The following SUPT20H variants were observed in gnomAD, a reference collection of about 807,000 sequenced individuals.
SUPT20H encodes the protein SPT20 homolog, SAGA complex component.
Under a neutral mutation model 122.8 loss-of-function variants are expected in SUPT20H, and 82 were observed. The ratio of observed to expected loss-of-function variants is 0.67; its 90% CI spans 0.56 to 0.80. The LOEUF (loss-of-function observed/expected upper bound fraction) is 0.80. Ranked by LOEUF, SUPT20H falls within the 30% of genes least tolerant of loss-of-function variation. SUPT20H has a pLI of 0.00. For missense variants in SUPT20H, 831 were observed against 921.6 expected, an observed-to-expected ratio of 0.90 and a Z score of 1.27; for synonymous variants, 291 against 313.0, an observed-to-expected ratio of 0.93 and a Z score of 0.74.
intron 1 of SUPT20H, among the ~76,000 whole-genome samples, chr13:37,055,181 C>T (rs772942887): frequency 3.9e-5 from 6 of 152,198 alleles, no homozygotes; most frequent in Middle Eastern, 3.4e-3. Context: ...TCGTGAAAAT[C>T]GCCATATTGC....
rs1309166456 is a variant in SUPT20H at position 37,038,117 on chromosome 13, C to T, written c.567+2288G>A. ...GTCTCTTGCATCAAACCAGGAGGTACACAATAATTGACTGTCTCATCTTCA... is the reference window on the plus strand; with the variant it reads ...GTCTCTTGCATCAAACCAGGAGGTATACAATAATTGACTGTCTCATCTTCA... On this transcript the variant is annotated intron_variant, in intron 9 of 25. Coordinates refer to ENST00000350612, the MANE Select transcript of SUPT20H (RefSeq NM_001014286.3). 2.0e-5 allele frequency: 3 copies of T among 151,318 alleles called. 1 individual carries two copies. The highest frequency in any genetic ancestry group is 4.9e-5 in the African/African-American group (2 of 41,136). The allele number at this position is 151,318 out of a possible 1,614,324, so 9.4% of individuals were successfully genotyped here.
At chr13:37,017,025 G>A (rs1021713721) in intron 23 of SUPT20H, among the ~76,000 whole-genome samples, 1 of 152,118 alleles carries the variant, frequency 6.6e-6, no homozygotes, top group African/African-American at 2.4e-5. Context: ...CCATTTATCT[G>A]GATCTCAATC....
At chr13:37,018,184 A>G (rs575095397) in intron 22 of SUPT20H, among the ~76,000 whole-genome samples, 4 of 152,292 alleles carry the variant, frequency 2.6e-5, no homozygotes, top group Non-Finnish European at 5.9e-5. Context: ...ACAGCTCATC[A>G]TTAGGTAAAT....
At chr13:37,058,751 T>A (rs1218689181) in intron 1 of SUPT20H, among the ~76,000 whole-genome samples, 2 of 152,126 alleles carry the variant, frequency 1.3e-5, no homozygotes, top group African/African-American at 2.4e-5. Flanking sequence ...CTTCCAATAT[T>A]ACAACCTGCA....
chr13:37,026,524 C>G (rs1318662008), intron 15 of SUPT20H, among the ~76,000 whole-genome samples: 2 of 152,026 alleles, frequency 1.3e-5, no homozygotes, highest in Non-Finnish European at 2.9e-5. Context: ...CTGAAAGTTA[C>G]CAAGTGCTAT....
intron 18 of SUPT20H, 29 bp from the exon 19 acceptor site, chr13:37,024,222 A>T: frequency 6.3e-7 from 1 of 1,585,346 alleles, no homozygotes; most frequent in Non-Finnish European, 8.6e-7. Context: ...TATTTCCTAA[A>T]TTTATAATTC....
intron 1 of SUPT20H, among the ~76,000 whole-genome samples, chr13:37,056,102 AAGTC>A (rs1327059341): frequency 1.3e-5 from 2 of 152,238 alleles, no homozygotes; most frequent in Non-Finnish European, 2.9e-5. Context: ...GATCATTAAA[AAGTC>A]AGGAAACAAC....
chr13:37,033,594 A>G lies in SUPT20H; in HGVS notation c.568-6T>C. 6.2e-7 allele frequency: 1 copy of G among 1,612,890 alleles called. No individual in the cohort carries two copies. Among genetic ancestry groups the G allele is most frequent in the South Asian group, 1.1e-5 (1 of 90,794 alleles). On this transcript the variant is annotated splice_region_variant and splice_polypyrimidine_tract_variant and intron_variant, in intron 9 of 25. Coordinates refer to ENST00000350612, the MANE Select transcript of SUPT20H (RefSeq NM_001014286.3). ...TCAAGCAAAAGTTTGTCTTCCTGAA[A>G]TGTGTAAGAGCATATGTCAATACCA...
rs1189585956 is a variant in SUPT20H, at chr13:37,046,636, A to T, written c.165+899T>A. On this transcript the variant is annotated intron_variant, in intron 5 of 25. Transcript: ENST00000350612. ...TTGCCAATTCCAATTTAGAATCTTCATATATGTAGCTCTCTTATTTTAGTT... is the reference window on the plus strand; with the variant it reads ...TTGCCAATTCCAATTTAGAATCTTCTTATATGTAGCTCTCTTATTTTAGTT... Among the ~76,000 whole-genome samples the T allele has an allele frequency of 2.0e-5, 3 of 152,234 alleles. No individual in the cohort carries two copies. In the East Asian group the frequency reaches 5.8e-4, roughly 29 times the overall value.
chr13:37,036,291 C>G (rs1020017020), intron 9 of SUPT20H, among the ~76,000 whole-genome samples: 34 of 151,392 alleles, frequency 2.2e-4, no homozygotes, highest in African/African-American at 7.8e-4. Flanking sequence ...TCCTGAACAA[C>G]ATGGATTTGA....
At chr13:37,013,237 C>G (rs1288870908) in intron 23 of SUPT20H, 1 of 152,050 alleles carries the variant, frequency 6.6e-6, no homozygotes, top group African/African-American at 2.4e-5. Flanking sequence ...GTGGTATTGG[C>G]TGAAGGAGAG....
chr13:37,031,873 A>G lies in SUPT20H; in HGVS notation c.730T>C (p.Ser244Pro). 1.9e-6 allele frequency: 3 copies of G among 1,597,740 alleles called. No homozygotes were observed. Among genetic ancestry groups the G allele is most frequent in the Non-Finnish European group, 2.6e-6 (3 of 1,175,190 alleles). The stretch of plus-strand genomic sequence containing the variant: ...AGATCTTGCTGCCGATTCAGAGAGG[A>G]TCTGGAATACCTCTTGAAACACCTG... ...MKRCFKRYSR[S>P]SLNRQQDLSH... is the part of the protein sequence containing the mutation. The change falls in exon 11 of 26, where the codon TCC (serine) becomes CCC (proline). Residue 244 changes from serine (S) to proline (P), a missense_variant. Physicochemically the swap from Ser to Pro is moderately conservative, Grantham distance 74. Coordinates refer to ENST00000350612, the MANE Select transcript of SUPT20H (RefSeq NM_001014286.3).
Position 37,033,551 on chromosome 13 carries a change from G to A in SUPT20H, c.605C>T (p.Ala202Val). ...ATCAAGACAGAGTGGTTCAGCTGTA[G>A]CTAGGATGAGCTGGCTCTCAAGCAA... ...KLLLESQLIL[A>V]TAEPLCLDPS... is the part of the protein sequence containing the mutation. The change falls in exon 10 of 26, where the codon GCT (alanine) becomes GTT (valine). Residue 202 changes from alanine (A) to valine (V), a missense_variant. Ala to Val is a moderately conservative substitution (Grantham distance 64). Coordinates refer to ENST00000350612, the MANE Select transcript of SUPT20H (RefSeq NM_001014286.3). The A allele has an allele frequency of 6.2e-7, 1 of 1,613,464 alleles. No homozygotes were observed. Among genetic ancestry groups the A allele is most frequent in the Non-Finnish European group, 8.5e-7 (1 of 1,179,714 alleles).
chr13:37,053,467 G>C (rs1326445651), intron 1 of SUPT20H, among the ~76,000 whole-genome samples: 1 of 151,072 alleles, frequency 6.6e-6, no homozygotes, highest in East Asian at 2.0e-4. Flanking sequence ...AGTGGGAGCT[G>C]AACAGTGAGA....
At chr13:37,040,237 A>G (rs2065231869) in intron 9 of SUPT20H, 168 bp downstream of exon 9, 3 of 615,600 alleles carry the variant, frequency 4.9e-6, no homozygotes. Flanking sequence ...TACTACACAT[A>G]TAAAGAGACC....
rs1296886735 is a variant in SUPT20H, at chr13:37,045,228, G to A, written c.292+19C>T. 6.2e-7 allele frequency: 1 copy of A among 1,609,920 alleles called. No homozygotes were observed. Among genetic ancestry groups the A allele is most frequent in the Non-Finnish European group, 8.5e-7 (1 of 1,178,558 alleles). On this transcript the variant is annotated intron_variant, in intron 6 of 25. Coordinates refer to ENST00000350612, the MANE Select transcript of SUPT20H (RefSeq NM_001014286.3). Reference sequence around the variant, plus strand: ...CTAGCAAAAGTATTTTGTGGCAGCTGTGCTCTAGAGGGTCTTACCTGATCC... The same window carrying A: ...CTAGCAAAAGTATTTTGTGGCAGCTATGCTCTAGAGGGTCTTACCTGATCC...
At chr13:37,040,739 T>G in intron 7 of SUPT20H, 47 bp from the exon 8 acceptor site, 1 of 1,443,382 alleles carries the variant, frequency 6.9e-7, no homozygotes, top group Non-Finnish European at 9.7e-7. Context: ...TCCAAAAGCC[T>G]AAATAAGTGG....
At chr13:37,019,506 G>T (rs1415648437) in intron 21 of SUPT20H, 109 bp from the exon 22 acceptor site, 1 of 623,382 alleles carries the variant, frequency 1.6e-6, no homozygotes, top group Non-Finnish European at 2.5e-6. Flanking sequence ...TCTCTGCATA[G>T]ATGTGCTTAT....
intron 10 of SUPT20H, 35 bp from the exon 11 acceptor site, chr13:37,031,930 A>C: frequency 6.5e-7 from 1 of 1,536,278 alleles, no homozygotes; most frequent in Non-Finnish European, 8.7e-7. Context: ...AAACGGCACT[A>C]ATAAAAGAAA....
Sources: allele counts gnomAD v4.1 joint callset (sites outside exome capture counted in the v4.1 genomes callset), GRCh38; gene constraint gnomAD v4.1.1; transcripts MANE v1.5; gene names NCBI Gene and HGNC (gene_info 2026-07-23, HGNC 2026-07-21).